The following HSDL2 variants were observed in gnomAD, a reference collection of about 807,000 sequenced individuals.
HSDL2 encodes the protein hydroxysteroid dehydrogenase like 2, also known as hydroxysteroid dehydrogenase-like protein 2.
A neutral mutation model predicts 46.3 loss-of-function variants in HSDL2; 27 were observed. The observed-to-expected ratio is 0.58, with a 90% confidence interval of 0.43 to 0.80. The LOEUF (loss-of-function observed/expected upper bound fraction) is 0.80. HSDL2 is among the 30% of genes least tolerant of loss of function. The pLI, the probability that HSDL2 is intolerant of heterozygous loss-of-function variation, is 0.00. For missense variants in HSDL2, 451 were observed against 502.7 expected, an observed-to-expected ratio of 0.90 and a Z score of 0.98; for synonymous variants, 153 against 163.6, an observed-to-expected ratio of 0.94 and a Z score of 0.50.
chr9:112,467,153 A>G (rs1203886571), intron 10 of HSDL2, among the ~76,000 whole-genome samples: 1 of 151,994 alleles, frequency 6.6e-6, no homozygotes, highest in Non-Finnish European at 1.5e-5. Context: ...AATAGGCAAA[A>G]GACAGAAACA....
At chr9:112,413,485 CAAAAAAAAA>C (rs1564113614) in intron 4 of HSDL2, among the ~76,000 whole-genome samples, 2 of 92,378 alleles carry the variant, frequency 2.2e-5, no homozygotes, top group African/African-American at 7.8e-5. Flanking sequence ...AATTCCCTCT[CAAAAAAAAA>C]GAAAAAAAAG....
intron 10 of HSDL2, among the ~76,000 whole-genome samples, chr9:112,462,570 T>C (rs1484246330): frequency 6.6e-6 from 1 of 150,606 alleles, no homozygotes; most frequent in Non-Finnish European, 1.5e-5. Flanking sequence ...TAAAGTAAAT[T>C]GAGCAATATT....
intron 8 of HSDL2, among the ~76,000 whole-genome samples, chr9:112,443,253 T>C (rs1832679899): frequency 6.6e-6 from 1 of 152,214 alleles, no homozygotes. Context: ...TTATTGATCA[T>C]GTATGTTCTT....
chr9:112,420,506 TAA>T (rs796449568), intron 6 of HSDL2, among the ~76,000 whole-genome samples: 1 of 102,990 alleles, frequency 9.7e-6, no homozygotes, highest in African/African-American at 3.3e-5. Flanking sequence ...TGAGGCCTCT[TAA>T]AAAAAAAAAC....
intron 4 of HSDL2, among the ~76,000 whole-genome samples, chr9:112,410,721 G>A (rs1831843269): frequency 1.3e-5 from 2 of 152,294 alleles, no homozygotes; most frequent in Middle Eastern, 3.4e-3. Context: ...GAGCCCAGGA[G>A]TTCGAAACCA....
At chr9:112,442,098 CA>C (rs1000786764) in intron 8 of HSDL2, among the ~76,000 whole-genome samples, 3 of 148,410 alleles carry the variant, frequency 2.0e-5, no homozygotes, top group Non-Finnish European at 3.0e-5. Context: ...CCCGTCTCTA[CA>C]AAAAAAATAC....
At chr9:112,391,890 AAAAAAAAAG>A (rs1290070591) in intron 1 of HSDL2, among the ~76,000 whole-genome samples, 1 of 140,084 alleles carries the variant, frequency 7.1e-6, no homozygotes, top group African/African-American at 2.6e-5. Context: ...CTGTCTCAAA[AAAAAAAAAG>A]AAAAGAAAAG....
intron 8 of HSDL2, among the ~76,000 whole-genome samples, chr9:112,451,679 C>T (rs1004891455): frequency 2.0e-5 from 3 of 151,286 alleles, no homozygotes; most frequent in African/African-American, 7.3e-5. Context: ...TTTAAGTCTG[C>T]GTCTGGCTTG....
intron 8 of HSDL2, among the ~76,000 whole-genome samples, chr9:112,444,842 T>TG (rs1362180051): frequency 6.6e-6 from 1 of 150,794 alleles, no homozygotes; most frequent in Admixed American, 6.6e-5. Context: ...TTGTTTTTTT[T>TG]TTTTTTTTTT....
At chr9:112,390,026 C>G (rs941468596) in intron 1 of HSDL2, among the ~76,000 whole-genome samples, 8 of 151,040 alleles carry the variant, frequency 5.3e-5, no homozygotes, top group Admixed American at 3.3e-4. Context: ...GATCACGCCC[C>G]TACACTCCAG....
intron 6 of HSDL2, among the ~76,000 whole-genome samples, chr9:112,429,222 A>G (rs1832326695): frequency 6.6e-6 from 1 of 152,024 alleles, no homozygotes; most frequent in Admixed American, 6.6e-5. Flanking sequence ...ACATTCATTC[A>G]TTTTCCAAAC....
intron 6 of HSDL2, among the ~76,000 whole-genome samples, chr9:112,425,334 T>A (rs1832221479): frequency 2.0e-5 from 3 of 152,228 alleles, no homozygotes; most frequent in South Asian, 4.1e-4. Flanking sequence ...TGTAAGTTTT[T>A]AAATGCTTAT....
intron 9 of HSDL2, among the ~76,000 whole-genome samples, chr9:112,458,769 C>T (rs1833108891): frequency 6.6e-6 from 1 of 151,764 alleles, no homozygotes; most frequent in Non-Finnish European, 1.5e-5. Context: ...ATCACGAGGT[C>T]AGGAGATCGA....
intron 6 of HSDL2, among the ~76,000 whole-genome samples, chr9:112,436,466 C>T (rs1832525988): frequency 6.6e-6 from 1 of 151,520 alleles, no homozygotes; most frequent in Admixed American, 6.6e-5. Context: ...ATAGTAAGTG[C>T]TTAATAACTA....
chr9:112,446,710 C>T (rs568409745), intron 8 of HSDL2, among the ~76,000 whole-genome samples: 1 of 152,346 alleles, frequency 6.6e-6, no homozygotes, highest in South Asian at 2.1e-4. Flanking sequence ...TTCCCCTCCC[C>T]ATCCTTGTCA....
intron 8 of HSDL2, among the ~76,000 whole-genome samples, chr9:112,443,608 T>TA (rs1832690178): frequency 6.6e-6 from 1 of 152,244 alleles, no homozygotes; most frequent in Admixed American, 6.5e-5. Flanking sequence ...CACATGCCTG[T>TA]AGTCTCAGCT....
Position 112,409,038 on chromosome 9 carries a change from AGTT to A in HSDL2, c.395+22_395+24del. On this transcript the variant is annotated intron_variant, in intron 4 of 10. Coordinates refer to ENST00000398805, the MANE Select transcript of HSDL2 (RefSeq NM_032303.5). ...CTACCTTGCGTAAGTTTGCAAGAAGAGTTGTTGGGGAGGAAGTTGCGGTGTTTC... is the reference window on the plus strand; with the variant it reads ...CTACCTTGCGTAAGTTTGCAAGAAGAGTTGGGGAGGAAGTTGCGGTGTTTC... 1 of 1,407,740 alleles carries A rather than the reference AGTT, an allele frequency of 7.1e-7. No homozygotes were observed. Among genetic ancestry groups the A allele is most frequent in the South Asian group, 1.2e-5 (1 of 84,144 alleles). 87.2% of individuals were successfully genotyped at this position (1,407,740 alleles called of 1,614,324 possible).
At chr9:112,467,051 C>T (rs78505398) in intron 10 of HSDL2, among the ~76,000 whole-genome samples, 14 of 152,294 alleles carry the variant, frequency 9.2e-5, no homozygotes, top group East Asian at 1.9e-4. Flanking sequence ...AAATAACTCA[C>T]AATTTCTACT....
At chr9:112,380,214 T>TGTCG in intron 1 of HSDL2, 34 bp downstream of exon 1, 1 of 1,537,028 alleles carries the variant, frequency 6.5e-7, no homozygotes, top group Non-Finnish European at 8.8e-7. Context: ...GGAGAGACCC[T>TGTCG]GTCGGGCGAA....
Sources: gnomAD v4.1 joint callset for allele counts (sites outside exome capture counted in the v4.1 genomes callset) on GRCh38, gnomAD v4.1.1 for gene constraint, MANE v1.5 for transcripts, NCBI Gene and HGNC (gene_info 2026-07-23, HGNC 2026-07-21) for gene names.